APPBP2: variants seen among roughly 807,000 people sequenced by gnomAD.
APPBP2 encodes amyloid protein-binding protein 2.
Under a neutral mutation model 76.0 loss-of-function variants are expected in APPBP2, and 15 were observed. The ratio of observed to expected loss-of-function variants is 0.20; its 90% CI spans 0.13 to 0.30. APPBP2 has a LOEUF of 0.30. APPBP2 is among the 10% of genes least tolerant of loss of function. The probability of loss-of-function intolerance (pLI) is 1.00; values close to 1 mark genes in which losing one functional copy is unlikely to be tolerated. For missense variants in APPBP2, 401 were observed against 687.2 expected, an observed-to-expected ratio of 0.58 and a Z score of 4.66; for synonymous variants, 222 against 242.2, an observed-to-expected ratio of 0.92 and a Z score of 0.77.
At chr17:60,448,149 T>C (rs1457726947) in intron 12 of APPBP2, among the ~76,000 whole-genome samples, 2 of 152,100 alleles carry the variant, frequency 1.3e-5, no homozygotes, top group Non-Finnish European at 2.9e-5. Context: ...AACAGAAAAA[T>C]ACACATGCAC....
In APPBP2 at chr17:60,465,714, A is replaced by T. The variant is rs1030767375; in HGVS notation, c.672+577T>A. Among the ~76,000 whole-genome samples, 6 of 152,142 alleles carry T rather than the reference A, an allele frequency of 3.9e-5. No individual in the cohort carries two copies. The East Asian group carries it at 9.6e-4, about 24-fold the overall frequency. On this transcript the variant is annotated intron_variant, in intron 5 of 12. Transcript: ENST00000083182. ...AAGATCCTGTCTCAAAAACTACAAC[A>T]CGAGGCCCAACCAAACAATTTAGGC... is the stretch of plus-strand genomic sequence containing the variant.
At chr17:60,510,430 ACT>A (rs2090902570) in intron 1 of APPBP2, among the ~76,000 whole-genome samples, 1 of 151,402 alleles carries the variant, frequency 6.6e-6, no homozygotes, top group Non-Finnish European at 1.5e-5. Context: ...AAAGTAAAAA[ACT>A]CATCTGATGT....
intron 6 of APPBP2, 125 bp downstream of exon 6, chr17:60,463,894 CTT>C: frequency 1.7e-6 from 1 of 584,242 alleles, no homozygotes; most frequent in Non-Finnish European, 2.8e-6. Context: ...AGCACAGAAA[CTT>C]ATAAAACAGA....
rs140877492 is a variant in APPBP2 at position 60,464,070 on chromosome 17, G to C, written c.713C>G (p.Ala238Gly). The C allele has an allele frequency of 3.0e-5, 48 of 1,612,030 alleles. No homozygotes were observed. Among genetic ancestry groups the C allele is most frequent in the Non-Finnish European group, 3.6e-5 (43 of 1,179,260 alleles). ...WCIEAMKEIT[A>G]GLPVKVVVDV... Reference sequence around the variant, plus strand: ...CACCACAACTTTCACTGGTAAGCCTGCTGTAATTTCTTTCATTGCCTCGAT... The same window carrying C: ...CACCACAACTTTCACTGGTAAGCCTCCTGTAATTTCTTTCATTGCCTCGAT... Residue 238 changes from alanine to glycine, a missense_variant, in exon 6 of 13, where the codon GCA (alanine) becomes GGA (glycine). Ala to Gly is a moderately conservative substitution (Grantham distance 60, BLOSUM62 0). Around this residue, in one of 5 missense-constraint regions of APPBP2, gnomAD observed 64 missense variants for 72.9 expected, o/e 0.88. Coordinates refer to ENST00000083182, the MANE Select transcript of APPBP2 (RefSeq NM_006380.5).
intron 3 of APPBP2, among the ~76,000 whole-genome samples, chr17:60,490,553 T>C (rs1485478820): frequency 6.6e-6 from 1 of 152,158 alleles, no homozygotes. Flanking sequence ...CCTGTTGTCC[T>C]AGCTACTCGG....
At chr17:60,493,335 TAAAC>T (rs1464918625) in intron 3 of APPBP2, among the ~76,000 whole-genome samples, 2 of 151,736 alleles carry the variant, frequency 1.3e-5, no homozygotes, top group African/African-American at 2.4e-5. Flanking sequence ...TAAAACAAAA[TAAAC>T]AAAAAAGGTA....
intron 2 of APPBP2, among the ~76,000 whole-genome samples, 176 bp downstream of exon 2, chr17:60,500,223 G>C (rs1018302903): frequency 6.6e-6 from 1 of 152,108 alleles, no homozygotes; most frequent in South Asian, 2.1e-4. Context: ...CGTTAGCCAG[G>C]AAGGTCTCGA....
chr17:60,451,867 A>C lies in APPBP2; in HGVS notation c.1504+13T>G. ...GTAATCAACTGACTAAAGAAAATTT[A>C]AATGTAACATACCAATTGCTATAGA... is the stretch of plus-strand genomic sequence containing the variant. On this transcript the variant is annotated intron_variant, in intron 12 of 12. Transcript: ENST00000083182. The C allele has an allele frequency of 6.3e-7, 1 of 1,589,286 alleles. No individual in the cohort carries two copies. The highest frequency in any genetic ancestry group is 8.6e-7 in the Non-Finnish European group (1 of 1,168,374).
intron 11 of APPBP2, among the ~76,000 whole-genome samples, chr17:60,453,727 T>C (rs59054220): frequency 0.082 from 12,439 of 151,770 alleles, 1,700 homozygotes; most frequent in African/African-American, 0.28. Flanking sequence ...TTTGTAGAGA[T>C]GGGATTTCCC....
At chr17:60,448,515 C>A (rs2090367744) in intron 12 of APPBP2, among the ~76,000 whole-genome samples, 1 of 152,172 alleles carries the variant, frequency 6.6e-6, no homozygotes, top group African/African-American at 2.4e-5. Flanking sequence ...AGGCTATTCA[C>A]TGCAACAGTA....
At chr17:60,448,798 A>G (rs905705812) in intron 12 of APPBP2, among the ~76,000 whole-genome samples, 4 of 152,248 alleles carry the variant, frequency 2.6e-5, no homozygotes, top group African/African-American at 9.6e-5. Context: ...CAAAAATGAT[A>G]AACCAGAAAC....
rs1321817609 is a variant in APPBP2, at chr17:60,487,896, T to C, written c.379+6570A>G. 2.0e-5 allele frequency among the ~76,000 whole-genome samples: 3 copies of C among 152,226 alleles called. No homozygotes were observed. In the East Asian group the frequency reaches 5.8e-4, roughly 29 times the overall value. ...TGGGGTTTTGGTGTGGATGTCCTTT[T>C]AGTTTATGTCGATGCTATTCCTTTC... On this transcript the variant is annotated intron_variant, in intron 3 of 12. Transcript: ENST00000083182.
intron 4 of APPBP2, among the ~76,000 whole-genome samples, chr17:60,477,728 G>A (rs1003081326): frequency 6.7e-6 from 1 of 148,204 alleles, no homozygotes; most frequent in Admixed American, 6.9e-5. Flanking sequence ...AGGATTGAAT[G>A]TCTGTCTGAC....
At chr17:60,514,582 G>A (rs2090947437) in intron 1 of APPBP2, among the ~76,000 whole-genome samples, 1 of 152,184 alleles carries the variant, frequency 6.6e-6, no homozygotes, top group South Asian at 2.1e-4. Flanking sequence ...AATGCACTAT[G>A]ATATTCCATT....
chr17:60,448,060 TTAGAA>T (rs1251708708), intron 12 of APPBP2, among the ~76,000 whole-genome samples: 2 of 152,178 alleles, frequency 1.3e-5, no homozygotes, highest in South Asian at 2.1e-4. Context: ...GTTGGCCTCA[TTAGAA>T]TAGAATTATA....
chr17:60,522,584 G>A (rs890628353), intron 1 of APPBP2, among the ~76,000 whole-genome samples: 1 of 152,130 alleles, frequency 6.6e-6, no homozygotes, highest in African/African-American at 2.4e-5. Context: ...GCTTCCCAAA[G>A]TGTTGGAATT....
chr17:60,469,855 C>T (rs73326473), intron 4 of APPBP2, among the ~76,000 whole-genome samples: 14,781 of 152,182 alleles, frequency 0.097, 2,382 homozygotes, highest in African/African-American at 0.33. Context: ...ACAAATATCT[C>T]TCGATTCCTT....
chr17:60,501,337 TAAAC>T (rs2090821719), intron 1 of APPBP2, among the ~76,000 whole-genome samples: 3 of 152,002 alleles, frequency 2.0e-5, no homozygotes, highest in African/African-American at 7.2e-5. Flanking sequence ...TATAAATAAA[TAAAC>T]AGAAAGACAA....
intron 2 of APPBP2, among the ~76,000 whole-genome samples, chr17:60,496,032 A>T (rs2090773112): frequency 6.6e-6 from 1 of 152,248 alleles, no homozygotes; most frequent in Non-Finnish European, 1.5e-5. Flanking sequence ...CAGTCACAAA[A>T]GACCATATAA....
Sources: allele counts gnomAD v4.1 joint callset (sites outside exome capture counted in the v4.1 genomes callset), GRCh38; gene constraint gnomAD v4.1.1; regional missense constraint gnomAD v4.1.1; transcripts MANE v1.5; gene names NCBI Gene and HGNC (gene_info 2026-07-23, HGNC 2026-07-21).